ZC3H18: variants seen among roughly 807,000 people sequenced by gnomAD.
ZC3H18 encodes the protein zinc finger CCCH domain-containing protein 18.
Under a neutral mutation model 106.1 loss-of-function variants are expected in ZC3H18, and 8 were observed. The ratio of observed to expected loss-of-function variants is 0.08; its 90% CI spans 0.04 to 0.14. The LOEUF is 0.14. Ranked by LOEUF, ZC3H18 falls within the 10% of genes least tolerant of loss-of-function variation. The pLI, the probability that ZC3H18 is intolerant of heterozygous loss-of-function variation, is 1.00. For missense variants in ZC3H18, 1,318 were observed against 1,278.4 expected, an observed-to-expected ratio of 1.03 and a Z score of -0.47; for synonymous variants, 635 against 522.1, an observed-to-expected ratio of 1.22 and a Z score of -2.95.
chr16:88,599,968 G>C lies in ZC3H18; in HGVS notation c.1088+20G>C. On this transcript the variant is annotated intron_variant, in intron 6 of 17. Transcript: ENST00000301011. ...CACAGTGTAAGGAATGGCCCTGCCTGCCCCTCCGTTTCCTTCCTGCATGCG... is the reference window on the plus strand; with the variant it reads ...CACAGTGTAAGGAATGGCCCTGCCTCCCCCTCCGTTTCCTTCCTGCATGCG... 1 of 1,612,046 alleles carries C rather than the reference G, an allele frequency of 6.2e-7. No homozygotes were observed. The highest frequency in any genetic ancestry group is 8.5e-7 in the Non-Finnish European group (1 of 1,178,744).
At chr16:88,596,227 A>G (rs989122037) in intron 3 of ZC3H18, among the ~76,000 whole-genome samples, 10 of 152,158 alleles carry the variant, frequency 6.6e-5, no homozygotes, top group African/African-American at 2.2e-4. Context: ...CCCCATGCCA[A>G]TATCAGTGAG....
intron 3 of ZC3H18, among the ~76,000 whole-genome samples, chr16:88,592,723 C>T (rs147552257): frequency 1.2e-4 from 19 of 152,276 alleles, no homozygotes; most frequent in South Asian, 2.1e-4. Flanking sequence ...ATGATCCGAC[C>T]GCCTTGGCCT....
intron 3 of ZC3H18, among the ~76,000 whole-genome samples, chr16:88,591,502 G>A (rs1915750194): frequency 2.6e-5 from 4 of 151,976 alleles, no homozygotes; most frequent in African/African-American, 7.3e-5. Context: ...AACCCAGTAG[G>A]TGGAGGTTGC....
At chr16:88,575,045 G>A (rs1914659497) in intron 1 of ZC3H18, among the ~76,000 whole-genome samples, 1 of 149,180 alleles carries the variant, frequency 6.7e-6, no homozygotes. Context: ...TAGCCAGGAT[G>A]GTCTCGATCT....
intron 1 of ZC3H18, chr16:88,571,810 C>T (rs564206773): frequency 3.2e-6 from 1 of 310,168 alleles, no homozygotes; most frequent in African/African-American, 2.3e-5. Flanking sequence ...GGTCTGTCAC[C>T]AACCTTGATA....
chr16:88,600,353 C>T (rs1043720643), intron 6 of ZC3H18, among the ~76,000 whole-genome samples: 2 of 152,232 alleles, frequency 1.3e-5, no homozygotes, highest in Non-Finnish European at 2.9e-5. Flanking sequence ...GGCCTCTTCG[C>T]TGTCAGGGCT....
At chr16:88,572,380 C>G (rs559965800) in intron 1 of ZC3H18, among the ~76,000 whole-genome samples, 6 of 148,986 alleles carry the variant, frequency 4.0e-5, no homozygotes, top group Non-Finnish European at 7.5e-5. Context: ...CTCGGCTCAC[C>G]GCAACCTCCT....
At chr16:88,597,702 A>T (rs143987036) in intron 3 of ZC3H18, among the ~76,000 whole-genome samples, 128 of 152,346 alleles carry the variant, frequency 8.4e-4, no homozygotes, top group African/African-American at 2.9e-3. Flanking sequence ...TGTGAGAGAA[A>T]TGCAGACGTA....
chr16:88,603,066 G>A lies in ZC3H18; in HGVS notation c.1088+3118G>A, dbSNP rs565046425. Among the ~76,000 whole-genome samples the A allele has an allele frequency of 9.2e-4, 139 of 151,720 alleles. 1 individual carries two copies. Among genetic ancestry groups the A allele is most frequent in the Non-Finnish European group, 1.7e-3 (117 of 67,948 alleles). ...TGTAAGCTCCGCCTCCTGGGTTCAC[G>A]CCATTCTCCTGCCTCAGCCTCCCGA... On this transcript the variant is annotated intron_variant, in intron 6 of 17. Transcript: ENST00000301011.
intron 2 of ZC3H18, among the ~76,000 whole-genome samples, chr16:88,579,415 C>T (rs1332721344): frequency 1.3e-5 from 2 of 152,168 alleles, no homozygotes; most frequent in Non-Finnish European, 2.9e-5. Context: ...TCTAGTTCCT[C>T]TTAAGAGGAC....
At chr16:88,596,698 A>G (rs116314524) in intron 3 of ZC3H18, among the ~76,000 whole-genome samples, 2,757 of 152,268 alleles carry the variant, frequency 0.018, 44 homozygotes, top group Non-Finnish European at 0.019. Flanking sequence ...TTCTATTGTC[A>G]GCACTTTTCT....
Position 88,600,014 on chromosome 16 carries a change from G to A in ZC3H18, c.1088+66G>A, listed in dbSNP as rs150196824. On this transcript the variant is annotated intron_variant, in intron 6 of 17. Transcript: ENST00000301011. ...ATGCGGCCACGCTCCGGAGAGAGCA[G>A]CCATGTGCAGGGCCCCAGGGTGCGC... 4,263 of 1,581,662 alleles carry A rather than the reference G, an allele frequency of 2.7e-3. 12 individuals are homozygous for A. Among genetic ancestry groups the A allele is most frequent in the South Asian group, 3.2e-3 (277 of 86,288 alleles).
At chr16:88,593,442 C>T (rs755636144) in intron 3 of ZC3H18, among the ~76,000 whole-genome samples, 15 of 152,252 alleles carry the variant, frequency 9.9e-5, no homozygotes, top group Non-Finnish European at 1.8e-4. Flanking sequence ...CGCTGCTCAG[C>T]ACAGAACATC....
intron 2 of ZC3H18, among the ~76,000 whole-genome samples, chr16:88,579,807 C>T (rs2142545900): frequency 6.6e-6 from 1 of 152,288 alleles, no homozygotes; most frequent in Non-Finnish European, 1.5e-5. Flanking sequence ...AGACTGCCTC[C>T]AGCGCCCCAC....
chr16:88,587,619 A>C (rs1480502834), intron 3 of ZC3H18: 2 of 1,534,134 alleles, frequency 1.3e-6, no homozygotes. Flanking sequence ...TAAAGGTACA[A>C]AATACGCTAT....
chr16:88,588,400 GCA>G (rs1192760038), intron 3 of ZC3H18, among the ~76,000 whole-genome samples: 3 of 152,220 alleles, frequency 2.0e-5, no homozygotes, highest in Non-Finnish European at 2.9e-5. Flanking sequence ...ATCCACCAGG[GCA>G]GGGAGACTCT....
At chr16:88,575,576 A>G (rs754016663) in intron 1 of ZC3H18, among the ~76,000 whole-genome samples, 1 of 152,110 alleles carries the variant, frequency 6.6e-6, no homozygotes, top group Non-Finnish European at 1.5e-5. Context: ...CCGTCTTAAC[A>G]CCGTCCACTT....
intron 2 of ZC3H18, among the ~76,000 whole-genome samples, chr16:88,582,054 G>A (rs1262963866): frequency 6.6e-6 from 1 of 152,006 alleles, no homozygotes; most frequent in Non-Finnish European, 1.5e-5. Context: ...ACATTTGTAG[G>A]GTGGCCTCCT....
At position 88,627,571 on chromosome 16, in the gene ZC3H18, C is replaced by G; in HGVS notation, c.2109-51C>G. 6.4e-7 allele frequency: 1 copy of G among 1,555,282 alleles called. No individual in the cohort carries two copies. The highest frequency in any genetic ancestry group is 8.7e-7 in the Non-Finnish European group (1 of 1,145,728). On this transcript the variant is annotated intron_variant, in intron 13 of 17. Transcript: ENST00000301011. The surrounding 1 kb of genome is among the most constrained non-coding windows in gnomAD (Gnocchi z 4.5). ...TGGACCATGGAGCACCCCCTGCTGG[C>G]CCCTCCCTCCAGTCTGGCTGGGGTG...
Sources: allele counts gnomAD v4.1 joint callset (sites outside exome capture counted in the v4.1 genomes callset), GRCh38; gene constraint gnomAD v4.1.1; non-coding constraint Gnocchi (gnomAD v3.1); transcripts MANE v1.5; gene names NCBI Gene and HGNC (gene_info 2026-07-23, HGNC 2026-07-21).